Variants in NFIC observed in about 807,000 individuals in gnomAD.
NFIC encodes nuclear factor I C.
In NFIC, 12 loss-of-function variants were observed where a neutral mutation model predicts 54.4. The ratio of observed to expected loss-of-function variants is 0.22; its 90% CI spans 0.14 to 0.36. The LOEUF (loss-of-function observed/expected upper bound fraction) is 0.36. NFIC is among the 10% of genes least tolerant of loss of function. The pLI is 1.00. For missense variants in NFIC, 575 were observed against 718.2 expected (o/e 0.80, Z 2.28); for synonymous variants, 322 against 319.2 (o/e 1.01, Z -0.09).
intron 10 of NFIC, 145 bp downstream of exon 10, chr19:3,456,780 C>G (rs989462438): frequency 1.3e-6 from 1 of 792,972 alleles, no homozygotes; most frequent in Admixed American, 2.3e-5. Flanking sequence ...ACCTGGGCCT[C>G]GAGCCCCCAC....
chr19:3,426,460 G>A (rs1053673294), intron 3 of NFIC, among the ~76,000 whole-genome samples: 1 of 152,114 alleles, frequency 6.6e-6, no homozygotes, highest in Non-Finnish European at 1.5e-5. Context: ...ACCTCACTTA[G>A]ACCAGAGCAG....
At chr19:3,423,044 A>G (rs1217012358) in intron 2 of NFIC, among the ~76,000 whole-genome samples, 3 of 151,774 alleles carry the variant, frequency 2.0e-5, no homozygotes, top group African/African-American at 7.3e-5. Flanking sequence ...CTAAAAATAC[A>G]AAAATTAGCC....
At chr19:3,425,212 A>G (rs991825587) in intron 3 of NFIC, 35 bp downstream of exon 3, 22 of 1,591,560 alleles carry the variant, frequency 1.4e-5, no homozygotes, top group Middle Eastern at 1.7e-4. Context: ...TGAAGGGCGG[A>G]GGGCGCAGCC....
chr19:3,412,705 A>G (rs188438355), intron 2 of NFIC, among the ~76,000 whole-genome samples: 1 of 152,334 alleles, frequency 6.6e-6, no homozygotes, highest in Admixed American at 6.5e-5. Flanking sequence ...GCATTAAACA[A>G]TACCTAGGAC....
At chr19:3,386,676 C>T (rs943167617) in intron 2 of NFIC, among the ~76,000 whole-genome samples, 2 of 152,176 alleles carry the variant, frequency 1.3e-5, no homozygotes, top group Non-Finnish European at 1.5e-5. Flanking sequence ...GGGATTTGAC[C>T]TGCCGTGGTC....
intron 1 of NFIC, among the ~76,000 whole-genome samples, chr19:3,379,673 CTTTTTTTTTTTT>C (rs370082450): frequency 9.8e-6 from 1 of 102,536 alleles, no homozygotes. Flanking sequence ...TTATTTCTTT[CTTTTTTTTTTTT>C]TTTTTTTTTT....
At chr19:3,448,705 G>A (rs2082409226) in intron 6 of NFIC, among the ~76,000 whole-genome samples, 1 of 152,108 alleles carries the variant, frequency 6.6e-6, no homozygotes, top group African/African-American at 2.4e-5. Context: ...CCAGGTGATG[G>A]GGCAGCCCTG....
intron 2 of NFIC, among the ~76,000 whole-genome samples, chr19:3,387,292 A>T (rs2081311790): frequency 6.6e-6 from 1 of 152,200 alleles, no homozygotes; most frequent in African/African-American, 2.4e-5. Flanking sequence ...ACCTGAGGTC[A>T]GGAGTTTGAG....
upstream of NFIC, among the ~76,000 whole-genome samples, chr19:3,366,099 A>C: frequency 7.5e-6 from 1 of 132,792 alleles, no homozygotes; most frequent in East Asian, 2.6e-4. Context: ...GGGGGTGGGG[A>C]GGGGGGGCCT....
intron 4 of NFIC, 108 bp downstream of exon 4, chr19:3,433,700 C>A: frequency 8.1e-7 from 1 of 1,233,330 alleles, no homozygotes. Context: ...CAGACAACCC[C>A]CTGTGTCACT....
chr19:3,373,137 G>A (rs1293534648), intron 1 of NFIC, among the ~76,000 whole-genome samples: 1 of 152,158 alleles, frequency 6.6e-6, no homozygotes, highest in Admixed American at 6.5e-5. Flanking sequence ...GAGCCACCGC[G>A]CCCGGCCCCT....
chr19:3,425,013 A>C, intron 2 of NFIC, 93 bp from the exon 3 acceptor site: 3 of 1,350,680 alleles, frequency 2.2e-6, no homozygotes, highest in Non-Finnish European at 3.1e-6. Context: ...GCACTGGCCC[A>C]GCCCAGGACT....
At position 3,366,630 on chromosome 19, in the gene NFIC, G is replaced by A; in HGVS notation, c.-7G>A. 1 of 1,498,318 alleles carries A rather than the reference G, an allele frequency of 6.7e-7. No homozygotes were observed. Among genetic ancestry groups the A allele is most frequent in the Non-Finnish European group, 8.8e-7 (1 of 1,130,140 alleles). The allele number at this position is 1,498,318 out of a possible 1,614,324, so 92.8% of individuals were successfully genotyped here. A position where few individuals can be genotyped will look rare whatever the true frequency, so the allele number is the denominator to read the frequency against. On this transcript the variant is annotated 5_prime_UTR_variant, in exon 1 of 11. Coordinates refer to ENST00000443272, the MANE Select transcript of NFIC (RefSeq NM_001245002.2). ...CGGCCGGCCCTGCGCCTCCCGCCGC[G>A]CCCGGGATGTATTCGTCCCCGCTCT...
At chr19:3,425,399 C>T (rs141250793) in intron 3 of NFIC, among the ~76,000 whole-genome samples, 4,043 of 152,278 alleles carry the variant, frequency 0.027, 77 homozygotes, top group African/African-American at 0.027. Flanking sequence ...CATGGGAGAC[C>T]CCAGAGGGTT....
In NFIC at chr19:3,442,778, C is replaced by A. The variant is rs113085396; in HGVS notation, c.959-6236C>A. Among the ~76,000 whole-genome samples the A allele has an allele frequency of 3.0e-4, 46 of 152,328 alleles. 2 individuals carry two copies. In the South Asian group the frequency reaches 6.4e-3, roughly 21 times the overall value. On this transcript the variant is annotated intron_variant, in intron 6 of 10. Coordinates refer to ENST00000443272, the MANE Select transcript of NFIC (RefSeq NM_001245002.2). ...GGGTTCCAACTCCACCTCCACCCCC[C>A]CTTGGCTCTATGGCCTTAGGCGAGT...
intron 2 of NFIC, among the ~76,000 whole-genome samples, chr19:3,399,709 T>C (rs755487618): frequency 7.9e-5 from 12 of 151,092 alleles, no homozygotes; most frequent in Non-Finnish European, 1.5e-4. Context: ...CCGTCTCTAC[T>C]AAAAATACAA....
At chr19:3,445,523 G>A (rs149637220) in intron 6 of NFIC, among the ~76,000 whole-genome samples, 8 of 152,284 alleles carry the variant, frequency 5.3e-5, no homozygotes, top group South Asian at 2.1e-4. Flanking sequence ...CTCCAGAGCC[G>A]GGTGTTCCCG....
Position 3,396,491 on chromosome 19 carries a change from A to T in NFIC, c.562+14248A>T, listed in dbSNP as rs903900260. Among the ~76,000 whole-genome samples the T allele has an allele frequency of 4.0e-5, 6 of 150,216 alleles. No individual in the cohort carries two copies. The East Asian group carries it at 1.2e-3, about 29-fold the overall frequency. Reference sequence around the variant, plus strand: ...CGTCTCAAAAAAAAAAAAAAAAAAAAGTGTGTGTTTCCAAGAGGCTGTTAT... The same window carrying T: ...CGTCTCAAAAAAAAAAAAAAAAAAATGTGTGTGTTTCCAAGAGGCTGTTAT... On this transcript the variant is annotated intron_variant, in intron 2 of 10. Transcript: ENST00000443272.
Position 3,459,250 on chromosome 19 carries a change from TCCC to T in NFIC, c.1509+2619_1509+2621del, listed in dbSNP as rs889599490. 9.3e-6 allele frequency among the ~76,000 whole-genome samples: 1 copy of T among 107,898 alleles called. No individual in the cohort carries two copies. The highest frequency in any genetic ancestry group is 3.7e-5 in the African/African-American group (1 of 27,286). The allele number at this position is 107,898 out of a possible 152,430, so 70.8% of individuals were successfully genotyped here. Reference sequence around the variant, plus strand: ...CCGACACCCCCCAGTCCATGGACTCTCCCCCCATCAATATCCCTCCCCGTGATC... The same window carrying T: ...CCGACACCCCCCAGTCCATGGACTCTCCCATCAATATCCCTCCCCGTGATC... On this transcript the variant is annotated intron_variant, in intron 10 of 10. Coordinates refer to ENST00000443272, the MANE Select transcript of NFIC (RefSeq NM_001245002.2). This position sits in a 1 kb window ranked among gnomAD's most constrained non-coding sequence, Gnocchi z 4.2.
Sources: gnomAD v4.1 joint callset for allele counts (sites outside exome capture counted in the v4.1 genomes callset) on GRCh38, gnomAD v4.1.1 for gene constraint, Gnocchi (gnomAD v3.1) non-coding constraint, MANE v1.5 for transcripts, NCBI Gene and HGNC (gene_info 2026-07-23, HGNC 2026-07-21) for gene names.